Variants in SYTL4 observed in about 807,000 individuals in gnomAD.
The protein encoded by SYTL4 is synaptotagmin-like protein 4.
SYTL4 carries 16 observed loss-of-function variants against 52.7 expected under a neutral mutation model. The ratio of observed to expected loss-of-function variants is 0.30; its 90% CI spans 0.21 to 0.46. SYTL4 has a LOEUF of 0.46. SYTL4 is among the 20% of genes least tolerant of loss of function. SYTL4 has a pLI of 1.00. For synonymous variants in SYTL4, 160 were observed against 186.6 expected (o/e 0.86, Z 1.16); for missense variants, 423 against 519.9 (o/e 0.81, Z 1.81).
intron 2 of SYTL4, among the ~76,000 whole-genome samples, chrX:100,725,203 A>G (rs764001201): frequency 8.9e-6 from 1 of 111,877 alleles, no homozygotes; most frequent in East Asian, 2.8e-4. Flanking sequence ...TCAAAAGGGA[A>G]TGGCCGTAGA....
In SYTL4 at chrX:100,674,863, A is replaced by G. The variant is rs1307358339; in HGVS notation, c.*1165T>C. Reference sequence around the variant, plus strand: ...ACTAGACCCTTCTTTGAAAAGCCTCAACACACTACACCCATGTAATATGTA... The same window carrying G: ...ACTAGACCCTTCTTTGAAAAGCCTCGACACACTACACCCATGTAATATGTA... On this transcript the variant is annotated 3_prime_UTR_variant, in exon 20 of 20. Transcript: ENST00000372989. The G allele has an allele frequency of 3.6e-5, 4 of 111,960 alleles. No individual in the cohort carries two copies. The allele number at this position is 111,960 out of a possible 1,213,427, so 9.2% of individuals were successfully genotyped here.
intron 8 of SYTL4, among the ~76,000 whole-genome samples, chrX:100,693,700 A>C (rs762696823): frequency 8.9e-5 from 10 of 112,374 alleles, no homozygotes; most frequent in South Asian, 3.7e-4. Context: ...TACCCAACAG[A>C]ACTAAACAAT....
chrX:100,686,304 A>G, intron 15 of SYTL4, 153 bp from the exon 16 acceptor site: 2 of 515,491 alleles, frequency 3.9e-6, no homozygotes, highest in Admixed American at 8.6e-5. Flanking sequence ...CCTCACTCAA[A>G]GCCTCAACTT....
At chrX:100,676,642 G>T (rs943759845) in intron 19 of SYTL4, among the ~76,000 whole-genome samples, 1 of 110,726 alleles carries the variant, frequency 9.0e-6, no homozygotes, top group African/African-American at 3.3e-5. Context: ...GCGCCACCAC[G>T]CCCAGCTAAT....
chrX:100,690,389 T>C (rs2083570415), intron 10 of SYTL4, among the ~76,000 whole-genome samples, 174 bp downstream of exon 10: 1 of 109,701 alleles, frequency 9.1e-6, no homozygotes, highest in Non-Finnish European at 1.9e-5. Context: ...CTGAAATTTG[T>C]TTAGTTGAAA....
At chrX:100,714,193 A>T (rs756870827) in intron 2 of SYTL4, among the ~76,000 whole-genome samples, 1 of 111,757 alleles carries the variant, frequency 8.9e-6, no homozygotes, top group African/African-American at 3.3e-5. Flanking sequence ...CATGTTTTCC[A>T]ATCCCAGAAT....
At chrX:100,721,499 T>C (rs1426719507) in intron 2 of SYTL4, among the ~76,000 whole-genome samples, 1 of 112,241 alleles carries the variant, frequency 8.9e-6, no homozygotes, top group Non-Finnish European at 1.9e-5. Flanking sequence ...GATCATAATA[T>C]GCACAAAATA....
At chrX:100,724,839 C>A (rs1316967780) in intron 2 of SYTL4, among the ~76,000 whole-genome samples, 1 of 72,762 alleles carries the variant, frequency 1.4e-5, no homozygotes, top group African/African-American at 5.5e-5. Context: ...CCAAATCCCC[C>A]TCTGCGAGAA....
chrX:100,705,227 C>T (rs5920844), intron 2 of SYTL4, among the ~76,000 whole-genome samples: 56,533 of 110,893 alleles, frequency 0.51, 12,117 homozygotes, highest in African/African-American at 0.82. Flanking sequence ...ATTGACTATA[C>T]GCCAAACAAG....
chrX:100,680,390 T>A (rs951513077), intron 17 of SYTL4, among the ~76,000 whole-genome samples: 2 of 111,211 alleles, frequency 1.8e-5, no homozygotes, highest in Non-Finnish European at 3.8e-5. Flanking sequence ...TAGATGTGAC[T>A]CTGCCAAAGG....
At chrX:100,700,601 C>A (rs1234969483) in intron 8 of SYTL4, among the ~76,000 whole-genome samples, 1 of 111,847 alleles carries the variant, frequency 8.9e-6, no homozygotes, top group East Asian at 2.8e-4. Flanking sequence ...TAATAATGAG[C>A]ATGTGTTATT....
Position 100,679,294 on chromosome X carries a change from G to A in SYTL4, c.1658+19C>T. 1.7e-6 allele frequency: 2 copies of A among 1,152,134 alleles called. No homozygotes were observed. The highest frequency in any genetic ancestry group is 2.4e-6 in the Non-Finnish European group (2 of 843,933). 94.9% of individuals were successfully genotyped at this position (1,152,134 alleles called of 1,213,427 possible). On this transcript the variant is annotated intron_variant, in intron 18 of 19. Transcript: ENST00000372989. ...CTTGTTCTGAAACTGGTTAATTTGG[G>A]GCTGGTCTAGGGACTCACCCCTTGA... is the stretch of plus-strand genomic sequence containing the variant.
At chrX:100,723,733 G>A (rs1169839722) in intron 2 of SYTL4, among the ~76,000 whole-genome samples, 6 of 107,496 alleles carry the variant, frequency 5.6e-5, no homozygotes, top group African/African-American at 2.0e-4. Context: ...CTGCCCGGCC[G>A]CCCCGTCTGA....
intron 13 of SYTL4, chrX:100,687,487 CTT>C: frequency 5.3e-6 from 2 of 374,124 alleles, no homozygotes; most frequent in Non-Finnish European, 9.2e-6. Flanking sequence ...TTCCTCAACT[CTT>C]TTTACAAATT....
At chrX:100,678,750 G>C (rs2083324562) in intron 18 of SYTL4, 151 bp from the exon 19 acceptor site, 1 of 466,841 alleles carries the variant, frequency 2.1e-6, no homozygotes, top group African/African-American at 2.4e-5. Context: ...TGCTGAAGCA[G>C]AGTTCCCACT....
intron 8 of SYTL4, among the ~76,000 whole-genome samples, chrX:100,692,901 C>A (rs906770565): frequency 2.7e-5 from 3 of 111,366 alleles, no homozygotes; most frequent in Non-Finnish European, 5.6e-5. Flanking sequence ...CTTTAAATAT[C>A]CTCAATAAAC....
chrX:100,707,014 A>T (rs1386214057), intron 2 of SYTL4, among the ~76,000 whole-genome samples: 1 of 111,737 alleles, frequency 8.9e-6, no homozygotes, highest in African/African-American at 3.2e-5. Context: ...AGAGGTTAAC[A>T]TATACTTCTT....
chrX:100,678,634 C>A, intron 18 of SYTL4, 35 bp from the exon 19 acceptor site: 1 of 1,107,520 alleles, frequency 9.0e-7, no homozygotes, highest in African/African-American at 1.8e-5. Context: ...ACAGCCTACT[C>A]AAAGCGGACA....
intron 2 of SYTL4, among the ~76,000 whole-genome samples, chrX:100,727,558 T>C (rs1237397992): frequency 8.9e-6 from 1 of 112,832 alleles, no homozygotes; most frequent in African/African-American, 3.2e-5. Flanking sequence ...ATATGTCCTT[T>C]GACCTAACAA....
Sources: gnomAD v4.1 joint callset for allele counts (sites outside exome capture counted in the v4.1 genomes callset) on GRCh38, gnomAD v4.1.1 for gene constraint, MANE v1.5 for transcripts, NCBI Gene and HGNC (gene_info 2026-07-23, HGNC 2026-07-21) for gene names.